Variants in NT5C3A observed in about 807,000 individuals in gnomAD.
The protein encoded by NT5C3A is cytosolic 5'-nucleotidase 3A.
NT5C3A carries 23 observed loss-of-function variants against 40.0 expected under a neutral mutation model. The observed-to-expected ratio is 0.58, with a 90% confidence interval of 0.41 to 0.81. The LOEUF (loss-of-function observed/expected upper bound fraction) is 0.81. Ranked by LOEUF, NT5C3A falls within the 40% of genes least tolerant of loss-of-function variation. The probability of loss-of-function intolerance (pLI) is 0.00; values close to 1 mark genes in which losing one functional copy is unlikely to be tolerated. For synonymous variants in NT5C3A, 130 were observed against 141.4 expected (o/e 0.92, Z 0.57); for missense variants, 328 against 403.0 (o/e 0.81, Z 1.59).
chr7:33,032,668 G>T (rs1042134392), intron 1 of NT5C3A, among the ~76,000 whole-genome samples: 1 of 151,896 alleles, frequency 6.6e-6, no homozygotes, highest in African/African-American at 2.4e-5. Context: ...TGTTGCCCAG[G>T]CTGGTCTTGA....
intron 6 of NT5C3A, among the ~76,000 whole-genome samples, chr7:33,018,594 T>C (rs1260014669): frequency 1.3e-5 from 2 of 152,210 alleles, no homozygotes; most frequent in South Asian, 2.1e-4. Context: ...CTCACGCCTG[T>C]AACCCCAGCA....
intron 1 of NT5C3A, among the ~76,000 whole-genome samples, chr7:33,053,563 AGG>A (rs77141376): frequency 6.6e-6 from 1 of 151,606 alleles, no homozygotes; most frequent in Admixed American, 6.6e-5. Context: ...TGGGAGGCTG[AGG>A]GGGGAAGACG....
rs566245503 is a variant in NT5C3A, at chr7:33,039,374, C to T, written c.139-12459G>A. ...CTGTGACTGCTTTAATTGTGATACT[C>T]GCAGAAACATGTAAACTACATTGAT... On this transcript the variant is annotated intron_variant, in intron 1 of 8. Coordinates refer to ENST00000610140, the MANE Select transcript of NT5C3A (RefSeq NM_001002010.5). Among the ~76,000 whole-genome samples, 5 of 152,080 alleles carry T rather than the reference C, an allele frequency of 3.3e-5. No individual in the cohort carries two copies. The South Asian group carries it at 8.3e-4, about 25-fold the overall frequency.
chr7:33,059,248 T>C (rs1787690948), intron 1 of NT5C3A, among the ~76,000 whole-genome samples: 1 of 152,242 alleles, frequency 6.6e-6, no homozygotes, highest in African/African-American at 2.4e-5. Context: ...TTGCTAATAA[T>C]AACAATAAGT....
chr7:33,054,399 T>C (rs781319605), intron 1 of NT5C3A, among the ~76,000 whole-genome samples: 2 of 152,004 alleles, frequency 1.3e-5, no homozygotes, highest in African/African-American at 2.4e-5. Context: ...TTTTTCAAAC[T>C]GGAACAATCA....
chr7:33,057,750 T>C (rs1209778647), intron 1 of NT5C3A, among the ~76,000 whole-genome samples: 1 of 152,156 alleles, frequency 6.6e-6, no homozygotes, highest in Non-Finnish European at 1.5e-5. Context: ...AAGTAATAGT[T>C]GACGTTAACA....
chr7:33,035,806 T>A, intron 1 of NT5C3A: 1 of 777,702 alleles, frequency 1.3e-6, no homozygotes, highest in Non-Finnish European at 2.3e-6. Context: ...TTGAGGTTTA[T>A]TTTGTGATGC....
chr7:33,041,829 T>C (rs1583950053), intron 1 of NT5C3A, among the ~76,000 whole-genome samples: 1 of 152,124 alleles, frequency 6.6e-6, no homozygotes, highest in Admixed American at 6.5e-5. Context: ...CAGGACCTGA[T>C]AGATAAGTTA....
At chr7:33,056,284 T>C (rs1344529485) in intron 1 of NT5C3A, among the ~76,000 whole-genome samples, 1 of 151,710 alleles carries the variant, frequency 6.6e-6, no homozygotes, top group Non-Finnish European at 1.5e-5. Context: ...AAACAGGTCC[T>C]AAAAAGTCAT....
intron 1 of NT5C3A, among the ~76,000 whole-genome samples, chr7:33,052,287 C>A (rs1462100692): frequency 6.6e-6 from 1 of 151,902 alleles, no homozygotes; most frequent in East Asian, 1.9e-4. Flanking sequence ...AGTTCGAGAC[C>A]AGCTTGGCCA....
At chr7:33,034,028 C>T (rs1382815289) in intron 1 of NT5C3A, among the ~76,000 whole-genome samples, 1 of 151,320 alleles carries the variant, frequency 6.6e-6, no homozygotes, top group East Asian at 1.9e-4. Context: ...GTAGCTGGGA[C>T]TACAGGTGCC....
intron 3 of NT5C3A, among the ~76,000 whole-genome samples, chr7:33,022,910 G>A (rs1437901030): frequency 6.6e-6 from 1 of 150,684 alleles, no homozygotes; most frequent in African/African-American, 2.4e-5. Context: ...AGGATATGAA[G>A]ATTTTTAGTG....
intron 1 of NT5C3A, among the ~76,000 whole-genome samples, chr7:33,038,223 T>C (rs1322869417): frequency 6.6e-6 from 1 of 151,918 alleles, no homozygotes; most frequent in African/African-American, 2.4e-5. Flanking sequence ...GCATAATCTG[T>C]GAAACATTTG....
intron 1 of NT5C3A, among the ~76,000 whole-genome samples, chr7:33,058,942 T>C (rs528899751): frequency 1.3e-5 from 2 of 152,314 alleles, no homozygotes; most frequent in South Asian, 2.1e-4. Context: ...ACTGCTACCA[T>C]AGCCTTTCAG....
intron 1 of NT5C3A, among the ~76,000 whole-genome samples, chr7:33,028,954 C>T (rs1786097238): frequency 6.6e-6 from 1 of 150,832 alleles, no homozygotes; most frequent in Admixed American, 6.6e-5. Context: ...AGTTGGGAGG[C>T]TGAGGCAGGA....
At position 33,029,891 on chromosome 7, in the gene NT5C3A, A is replaced by G. The variant is rs118189891; in HGVS notation, c.139-2976T>C. On this transcript the variant is annotated intron_variant, in intron 1 of 8. Coordinates refer to ENST00000610140, the MANE Select transcript of NT5C3A (RefSeq NM_001002010.5). The stretch of plus-strand genomic sequence containing the variant: ...CAATACTGGTTTACTTTAAATCACA[A>G]TGGATGAAAGAGAACCAGTAGCTAA... 1.3e-4 allele frequency among the ~76,000 whole-genome samples: 20 copies of G among 152,340 alleles called. No homozygotes were observed. The East Asian group carries it at 3.9e-3, about 29-fold the overall frequency.
intron 1 of NT5C3A, among the ~76,000 whole-genome samples, chr7:33,060,127 A>G (rs1325573615): frequency 6.6e-6 from 1 of 151,920 alleles, no homozygotes; most frequent in Non-Finnish European, 1.5e-5. Context: ...TAAAATCTTT[A>G]TTTTCTGTAG....
At chr7:33,026,575 C>T (rs974281956) in intron 2 of NT5C3A, among the ~76,000 whole-genome samples, 5 of 151,734 alleles carry the variant, frequency 3.3e-5, no homozygotes, top group Non-Finnish European at 2.9e-5. Flanking sequence ...AGGCTGGTCT[C>T]GAACTCCTGA....
chr7:33,016,409 C>T (rs1366181970), intron 7 of NT5C3A, among the ~76,000 whole-genome samples: 4 of 151,468 alleles, frequency 2.6e-5, no homozygotes, highest in Admixed American at 2.0e-4. Context: ...CAGTGGTTCA[C>T]GCCTGTAATT....
Sources: allele counts gnomAD v4.1 joint callset (sites outside exome capture counted in the v4.1 genomes callset), GRCh38; gene constraint gnomAD v4.1.1; transcripts MANE v1.5; gene names NCBI Gene and HGNC (gene_info 2026-07-23, HGNC 2026-07-21).